Variants in CACNG1 observed in about 807,000 individuals in gnomAD.
CACNG1 encodes calcium voltage-gated channel auxiliary subunit gamma 1.
In CACNG1, 21 loss-of-function variants were observed where a neutral mutation model predicts 22.0. The observed-to-expected ratio is 0.95, with a 90% confidence interval of 0.68 to 1.37. The LOEUF is 1.37. Ranked by LOEUF, CACNG1 falls within the 40% of genes most tolerant of loss-of-function variation. The pLI is 0.00. For missense variants in CACNG1, 291 were observed against 308.6 expected (o/e 0.94, Z 0.43); for synonymous variants, 127 against 129.2 (o/e 0.98, Z 0.12).
At position 67,056,066 on chromosome 17, in the gene CACNG1, T is replaced by A. The variant is rs2035759498; in HGVS notation, c.464T>A (p.Val155Glu). 6.2e-7 allele frequency: 1 copy of A among 1,612,072 alleles called. No individual in the cohort carries two copies. Among genetic ancestry groups the A allele is most frequent in the African/African-American group, 1.3e-5 (1 of 74,870 alleles). The change falls in exon 4 of 4, where the codon GTG (valine) becomes GAG (glutamate). Residue 155 changes from valine (V) to glutamate (E), a missense_variant. Transcript: ENST00000226021. This position sits in a 1 kb window ranked among gnomAD's most constrained non-coding sequence, Gnocchi z 4.3. ...AFAGLCILVS[V>E]EVMRQSVKRM... Reference sequence around the variant, plus strand: ...CCAGGTCTCTGCATCCTCGTCTCGGTGGAGGTCATGCGGCAGTCGGTGAAG... The same window carrying A: ...CCAGGTCTCTGCATCCTCGTCTCGGAGGAGGTCATGCGGCAGTCGGTGAAG...
chr17:67,049,532 G>A (rs912552845), intron 1 of CACNG1, among the ~76,000 whole-genome samples: 5 of 152,048 alleles, frequency 3.3e-5, no homozygotes, highest in Admixed American at 1.3e-4. Flanking sequence ...CATTCTACAG[G>A]TGGTTCTCAT....
At chr17:67,045,703 A>ACCT (rs1484651684) in intron 1 of CACNG1, among the ~76,000 whole-genome samples, 2 of 151,748 alleles carry the variant, frequency 1.3e-5, no homozygotes, top group Non-Finnish European at 1.5e-5. Context: ...TTGTACTTTC[A>ACCT]GTAGAGACGG....
chr17:67,046,303 T>G (rs542617201), intron 1 of CACNG1, among the ~76,000 whole-genome samples: 1 of 152,334 alleles, frequency 6.6e-6, no homozygotes, highest in East Asian at 1.9e-4. Flanking sequence ...GATTATTTCC[T>G]CTTTTATCAG....
Position 67,051,096 on chromosome 17 carries a change from CTG to C in CACNG1, c.230-2899_230-2898del, listed in dbSNP as rs140722151. Reference sequence around the variant, plus strand: ...CATCCCAGAGGCAGAGGCAGGAAGACTGAGAGTCTGCACAGGACCGTCACGGT... The same window carrying C: ...CATCCCAGAGGCAGAGGCAGGAAGACAGAGTCTGCACAGGACCGTCACGGT... On this transcript the variant is annotated intron_variant, in intron 1 of 3. Transcript: ENST00000226021. 1.4e-4 allele frequency among the ~76,000 whole-genome samples: 21 copies of C among 152,312 alleles called. No individual in the cohort carries two copies. The East Asian group carries it at 3.1e-3, about 22-fold the overall frequency.
chr17:67,052,632 G>A (rs999222680), intron 1 of CACNG1, among the ~76,000 whole-genome samples: 2 of 152,042 alleles, frequency 1.3e-5, no homozygotes, highest in Non-Finnish European at 2.9e-5. Context: ...CTGATCCACA[G>A]GAAAAGAAAT....
rs1000956594 is a variant in CACNG1 at position 67,055,331 on chromosome 17, G to A, written c.442+91G>A. On this transcript the variant is annotated intron_variant, in intron 3 of 3. Transcript: ENST00000226021. This position sits in a 1 kb window ranked among gnomAD's most constrained non-coding sequence, Gnocchi z 4.5. ...ACCCTCATGCCCACCGCGAGATTTG[G>A]GTGAGGGGCATTTCCCAGGCTCCAT... 4 of 1,432,336 alleles carry A rather than the reference G, an allele frequency of 2.8e-6. No homozygotes were observed. Among genetic ancestry groups the A allele is most frequent in the Non-Finnish European group, 3.8e-6 (4 of 1,056,300 alleles). The allele number at this position is 1,432,336 out of a possible 1,614,324, so 88.7% of individuals were successfully genotyped here.
rs1476271994 is a variant in CACNG1, at chr17:67,044,584, C to G, written c.-77C>G. On this transcript the variant is annotated 5_prime_UTR_variant, in exon 1 of 4. Coordinates refer to ENST00000226021, the MANE Select transcript of CACNG1 (RefSeq NM_000727.4). This position sits in a 1 kb window ranked among gnomAD's most constrained non-coding sequence, Gnocchi z 6.9. ...CAGCTCGACAACCACTGCCACCCCCCAAGCTCGGCTTGTCACCTGCCCTAG... is the reference window on the plus strand; with the variant it reads ...CAGCTCGACAACCACTGCCACCCCCGAAGCTCGGCTTGTCACCTGCCCTAG... 4.2e-5 allele frequency: 40 copies of G among 944,518 alleles called. No homozygotes were observed. The highest frequency in any genetic ancestry group is 6.5e-5 in the Non-Finnish European group (39 of 600,236). 58.5% of individuals were successfully genotyped at this position (944,518 alleles called of 1,614,324 possible).
At position 67,056,723 on chromosome 17, in the gene CACNG1, C is replaced by T. The variant is rs1324342915; in HGVS notation, c.*452C>T. On this transcript the variant is annotated 3_prime_UTR_variant, in exon 4 of 4. Coordinates refer to ENST00000226021, the MANE Select transcript of CACNG1 (RefSeq NM_000727.4). The surrounding 1 kb of genome is among the most constrained non-coding windows in gnomAD (Gnocchi z 4.3). ...GGTGAGCCCAGCGTCCCCTCCTTGG[C>T]TTCCAGGAGCCCTGGGAAGCATTTT... 4 of 164,542 alleles carry T rather than the reference C, an allele frequency of 2.4e-5. No individual in the cohort carries two copies. Among genetic ancestry groups the T allele is most frequent in the Admixed American group, 1.7e-4 (3 of 17,372 alleles). 10.2% of individuals were successfully genotyped at this position (164,542 alleles called of 1,614,324 possible). A position where few individuals can be genotyped will look rare whatever the true frequency, so the allele number is the denominator to read the frequency against.
Position 67,054,018 on chromosome 17 carries a change from G to A in CACNG1, c.252G>A (p.Arg84=). The A allele has an allele frequency of 6.2e-7, 1 of 1,614,052 alleles. No homozygotes were observed. The highest frequency in any genetic ancestry group is 8.5e-7 in the Non-Finnish European group (1 of 1,179,942). ...CAGAGAAGAACTGTTCCTACTTCAG[G>A]CATTTTAACCCCGGCGAGAGCTCGG... is the stretch of plus-strand genomic sequence containing the variant. ...LPGEKNCSYF[R]HFNPGESSEI... is the part of the protein sequence containing the mutation. The change falls in exon 2 of 4, where the codon AGG becomes AGA. Residue 84 remains arginine (R), a synonymous_variant. Coordinates refer to ENST00000226021, the MANE Select transcript of CACNG1 (RefSeq NM_000727.4). The surrounding 1 kb of genome is among the most constrained non-coding windows in gnomAD (Gnocchi z 4.6).
intron 1 of CACNG1, among the ~76,000 whole-genome samples, chr17:67,045,159 GA>G (rs1165290171): frequency 5.9e-5 from 9 of 152,220 alleles, no homozygotes; most frequent in African/African-American, 2.2e-4. Context: ...GCAGGCTCAA[GA>G]AAGGAACTGC....
intron 1 of CACNG1, among the ~76,000 whole-genome samples, chr17:67,052,696 CATAAT>C (rs2035734951): frequency 6.6e-6 from 1 of 151,676 alleles, no homozygotes; most frequent in South Asian, 2.1e-4. Context: ...TGGAAGGAAA[CATAAT>C]ATAAAATAAC....
intron 1 of CACNG1, among the ~76,000 whole-genome samples, chr17:67,051,219 C>T (rs957259293): frequency 2.6e-5 from 4 of 152,152 alleles, no homozygotes; most frequent in Admixed American, 2.6e-4. Context: ...TAATATCCAC[C>T]TAGACCCAGG....
intron 1 of CACNG1, among the ~76,000 whole-genome samples, chr17:67,048,320 AAAAAACAAAAAAAAAAC>A (rs1393957585): frequency 1.2e-5 from 1 of 85,380 alleles, no homozygotes. Context: ...AAAAAAAAAA[AAAAAACAAAAAAAAAAC>A]CCCACAAAAT....
rs1343477114 is a variant in CACNG1 at position 67,056,083 on chromosome 17, T to G, written c.481T>G (p.Ser161Ala). ...CGTCTCGGTGGAGGTCATGCGGCAG[T>G]CGGTGAAGCGCATGATTGACAGTGA... ...ILVSVEVMRQ[S>A]VKRMIDSEDT... The change falls in exon 4 of 4, where the codon TCG becomes GCG. Residue 161 changes from serine (S) to alanine (A), a missense_variant. Ser to Ala is a moderately conservative substitution (Grantham distance 99, BLOSUM62 1). Transcript: ENST00000226021. This position sits in a 1 kb window ranked among gnomAD's most constrained non-coding sequence, Gnocchi z 4.3. The G allele has an allele frequency of 1.2e-6, 2 of 1,610,906 alleles. No homozygotes were observed. The highest frequency in any genetic ancestry group is 1.7e-6 in the Non-Finnish European group (2 of 1,179,234).
chr17:67,045,811 C>A (rs1354745690), intron 1 of CACNG1, among the ~76,000 whole-genome samples: 1 of 152,174 alleles, frequency 6.6e-6, no homozygotes, highest in Non-Finnish European at 1.5e-5. Flanking sequence ...ACGTGAGCCA[C>A]CATGCCCGAC....
chr17:67,045,445 C>G (rs1354917855), intron 1 of CACNG1, among the ~76,000 whole-genome samples: 1 of 151,984 alleles, frequency 6.6e-6, no homozygotes, highest in Non-Finnish European at 1.5e-5. Context: ...GGCTCTGGGC[C>G]TGGAGCAGCT....
chr17:67,048,308 CAA>C (rs377751953), intron 1 of CACNG1, among the ~76,000 whole-genome samples: 66,577 of 109,920 alleles, frequency 0.61, 17,831 homozygotes, highest in East Asian at 0.82. Flanking sequence ...CTGTCCCTAC[CAA>C]AAAAAAAAAA....
chr17:67,056,374 G>T lies in CACNG1; in HGVS notation c.*103G>T. 1.1e-6 allele frequency: 1 copy of T among 918,882 alleles called. No homozygotes were observed. The highest frequency in any genetic ancestry group is 1.6e-5 in the African/African-American group (1 of 61,080). 56.9% of individuals were successfully genotyped at this position (918,882 alleles called of 1,614,324 possible). The stretch of plus-strand genomic sequence containing the variant: ...GCGGGAGCAATTTTAGCCCCACCCT[G>T]CTCCCATCTGCCCCCCTGCAACAGT... On this transcript the variant is annotated 3_prime_UTR_variant, in exon 4 of 4. Coordinates refer to ENST00000226021, the MANE Select transcript of CACNG1 (RefSeq NM_000727.4). This position sits in a 1 kb window ranked among gnomAD's most constrained non-coding sequence, Gnocchi z 4.3.
At chr17:67,046,861 C>A (rs1440454564) in intron 1 of CACNG1, among the ~76,000 whole-genome samples, 1 of 152,238 alleles carries the variant, frequency 6.6e-6, no homozygotes, top group Admixed American at 6.5e-5. Context: ...GGCCAACAGG[C>A]ATTGCTTGGC....
Sources: gnomAD v4.1 joint callset for allele counts (sites outside exome capture counted in the v4.1 genomes callset) on GRCh38, gnomAD v4.1.1 for gene constraint, Gnocchi (gnomAD v3.1) non-coding constraint, MANE v1.5 for transcripts, NCBI Gene and HGNC (gene_info 2026-07-23, HGNC 2026-07-21) for gene names.